The following PPFIA2 variants were observed in gnomAD, a reference collection of about 807,000 sequenced individuals.
The protein encoded by PPFIA2 is PPFI scaffold protein A2.
Under a neutral mutation model 175.5 loss-of-function variants are expected in PPFIA2, and 46 were observed. The ratio of observed to expected loss-of-function variants is 0.26; its 90% CI spans 0.21 to 0.34. The LOEUF is 0.34. Ranked by LOEUF, PPFIA2 falls within the 10% of genes least tolerant of loss-of-function variation. The probability of loss-of-function intolerance (pLI) is 1.00; values close to 1 mark genes in which losing one functional copy is unlikely to be tolerated. For synonymous variants in PPFIA2, 568 were observed against 511.4 expected, an observed-to-expected ratio of 1.11 and a Z score of -1.49; for missense variants, 1,179 against 1,506.1, an observed-to-expected ratio of 0.78 and a Z score of 3.60.
chr12:81,280,577 A>G (rs1207642962), intron 27 of PPFIA2, among the ~76,000 whole-genome samples: 1 of 152,158 alleles, frequency 6.6e-6, no homozygotes, highest in Non-Finnish European at 1.5e-5. Flanking sequence ...ATGTGAAAAA[A>G]ACAACCAAAA....
At chr12:81,631,932 C>T (rs980218956) in intron 4 of PPFIA2, among the ~76,000 whole-genome samples, 10 of 152,078 alleles carry the variant, frequency 6.6e-5, no homozygotes, top group Non-Finnish European at 1.0e-4. Flanking sequence ...TACATCTTAG[C>T]TATTAATATC....
intron 22 of PPFIA2, chr12:81,312,288 C>T (rs2051122481): frequency 1.0e-6 from 1 of 996,114 alleles, no homozygotes; most frequent in Non-Finnish European, 1.5e-6. Flanking sequence ...TGTGAGAAAG[C>T]TCAGGTATGA....
intron 7 of PPFIA2, among the ~76,000 whole-genome samples, chr12:81,427,681 T>G (rs957979081): frequency 6.6e-6 from 1 of 152,064 alleles, no homozygotes; most frequent in African/African-American, 2.4e-5. Context: ...TTTTATCACA[T>G]TCAAAGTATC....
chr12:81,399,208 C>T (rs890634606), intron 8 of PPFIA2, among the ~76,000 whole-genome samples: 2 of 138,346 alleles, frequency 1.4e-5, no homozygotes, highest in African/African-American at 5.4e-5. Context: ...ATGAACCCTC[C>T]AATTATGTTA....
rs761214062 is a variant in PPFIA2, at chr12:81,347,736, G to A, written c.2029C>T (p.Arg677Cys). Residue 677 changes from arginine (R) to cysteine (C), a missense_variant, in exon 18 of 33, where the codon CGT (arginine) becomes TGT (cysteine). Arg to Cys is a radical substitution (Grantham distance 180). Around this residue, in one of 10 missense-constraint regions of PPFIA2, gnomAD observed 223 missense variants for 241.6 expected, o/e 0.92. Coordinates refer to ENST00000549396, the MANE Select transcript of PPFIA2 (RefSeq NM_003625.5). ...ACTCTATTTTCAATTTCTTCAGCAC[G>A]CAACTCTGTAGATTCTTTTTCTTCC... ...IQEEKESTELRAEEIENRVAS... is the reference protein window; with the variant it reads ...IQEEKESTELCAEEIENRVAS... 1.9e-6 allele frequency: 3 copies of A among 1,613,750 alleles called. No individual in the cohort carries two copies. The highest frequency in any genetic ancestry group is 1.3e-5 in the African/African-American group (1 of 74,992).
intron 8 of PPFIA2, among the ~76,000 whole-genome samples, chr12:81,391,038 A>G (rs12422834): frequency 0.064 from 9,792 of 152,032 alleles, 415 homozygotes; most frequent in African/African-American, 0.12. Flanking sequence ...AATAAGTTTT[A>G]GAATGTTTTA....
Position 81,358,132 on chromosome 12 carries a change from T to C in PPFIA2, c.1723A>G (p.Ile575Val). 2 of 1,602,568 alleles carry C rather than the reference T, an allele frequency of 1.2e-6. No individual in the cohort carries two copies. The highest frequency in any genetic ancestry group is 1.1e-5 in the South Asian group (1 of 88,664). Residue 575 changes from isoleucine (I) to valine (V), a missense_variant, in exon 16 of 33, where the codon ATA becomes GTA. Transcript: ENST00000549396. ...SQSDYRTTKV[I>V]RRPRRGRMGV... Reference sequence around the variant, plus strand: ...ATGCGGCCTCTCCTTGGTCTTCTTATTACTTTAGTTGTTCTGTAATCAGAC... The same window carrying C: ...ATGCGGCCTCTCCTTGGTCTTCTTACTACTTTAGTTGTTCTGTAATCAGAC...
At chr12:81,466,029 AT>A (rs2055551474) in intron 4 of PPFIA2, among the ~76,000 whole-genome samples, 1 of 152,150 alleles carries the variant, frequency 6.6e-6, no homozygotes, top group Admixed American at 6.6e-5. Context: ...GTCATCCAAA[AT>A]TACTGTGCAA....
intron 4 of PPFIA2, among the ~76,000 whole-genome samples, chr12:81,670,864 C>G (rs568771890): frequency 6.6e-6 from 1 of 151,870 alleles, no homozygotes; most frequent in Non-Finnish European, 1.5e-5. Flanking sequence ...CATCCTTGGA[C>G]CCATCTCTGT....
At chr12:81,515,143 C>A (rs1328783752) in intron 4 of PPFIA2, among the ~76,000 whole-genome samples, 2 of 151,870 alleles carry the variant, frequency 1.3e-5, no homozygotes, top group Non-Finnish European at 2.9e-5. Context: ...TAATAAAAAA[C>A]AAACTGCCAA....
chr12:81,746,472 G>C (rs1430030313), intron 3 of PPFIA2, among the ~76,000 whole-genome samples: 2 of 143,662 alleles, frequency 1.4e-5, no homozygotes, highest in Admixed American at 1.5e-4. Context: ...CTGCAGTATA[G>C]AAGTCGAAAA....
intron 32 of PPFIA2, chr12:81,260,762 G>A (rs1164012784): frequency 1.3e-5 from 2 of 152,144 alleles, no homozygotes; most frequent in Non-Finnish European, 2.9e-5. Flanking sequence ...AAGGTGAGTT[G>A]TTCCTCTGTC....
At chr12:81,536,636 T>C (rs1209168320) in intron 4 of PPFIA2, among the ~76,000 whole-genome samples, 1 of 149,262 alleles carries the variant, frequency 6.7e-6, no homozygotes, top group Non-Finnish European at 1.5e-5. Context: ...ATTAACCAAT[T>C]AGTAATAAAT....
At chr12:81,353,020 T>C in intron 17 of PPFIA2, 99 bp downstream of exon 17, 1 of 1,023,246 alleles carries the variant, frequency 9.8e-7, no homozygotes, top group Non-Finnish European at 1.5e-6. Context: ...TCTATTAAGC[T>C]CCCAGTTAAT....
intron 7 of PPFIA2, among the ~76,000 whole-genome samples, chr12:81,438,336 C>T (rs1239850729): frequency 6.6e-6 from 1 of 152,108 alleles, no homozygotes; most frequent in Non-Finnish European, 1.5e-5. Context: ...GGGGTGGTGG[C>T]ACATGCCCGT....
chr12:81,453,655 T>C (rs2053064386), intron 5 of PPFIA2, among the ~76,000 whole-genome samples: 1 of 152,122 alleles, frequency 6.6e-6, no homozygotes, highest in African/African-American at 2.4e-5. Context: ...TTTTGAAATT[T>C]CTATTTTTGT....
chr12:81,478,835 A>C (rs2057820100), intron 4 of PPFIA2, among the ~76,000 whole-genome samples: 1 of 152,084 alleles, frequency 6.6e-6, no homozygotes, highest in Non-Finnish European at 1.5e-5. Context: ...TTTTACTTCC[A>C]ATTATGTGGT....
chr12:81,399,547 C>T (rs1317578894), intron 8 of PPFIA2, among the ~76,000 whole-genome samples: 1 of 152,098 alleles, frequency 6.6e-6, no homozygotes, highest in Non-Finnish European at 1.5e-5. Context: ...TTATGTGCTT[C>T]CTCGCCAACT....
At chr12:81,383,658 T>C (rs1162491107) in intron 9 of PPFIA2, among the ~76,000 whole-genome samples, 1 of 152,126 alleles carries the variant, frequency 6.6e-6, no homozygotes, top group African/African-American at 2.4e-5. Context: ...AATGGAACAA[T>C]TTAAGGCATT....
Sources: gnomAD v4.1 joint callset for allele counts (sites outside exome capture counted in the v4.1 genomes callset) on GRCh38, gnomAD v4.1.1 for gene constraint, gnomAD v4.1.1 regional missense constraint, MANE v1.5 for transcripts, NCBI Gene and HGNC (gene_info 2026-07-23, HGNC 2026-07-21) for gene names.